Variants in EEIG2 observed in about 807,000 individuals in gnomAD.
The protein encoded by EEIG2 is EEIG family member 2, also known as family with sequence similarity 102 member B.
the EEIG2 span, among the ~76,000 whole-genome samples, chr1:108,582,542 AT>A: frequency 2.6e-5 from 4 of 152,100 alleles, no homozygotes; most frequent in Admixed American, 2.0e-4. Context: ...CGAATTCTTA[AT>A]TTTTTTGTGG....
the EEIG2 span, among the ~76,000 whole-genome samples, chr1:108,589,783 CTTTTTTTTTTTTTT>C: frequency 5.9e-5 from 5 of 85,160 alleles, no homozygotes; most frequent in Non-Finnish European, 1.1e-4. Context: ...GTCTTTTGTC[CTTTTTTTTTTTTTT>C]TTTTTTTTTT....
chr1:108,632,913 C>T, the EEIG2 span, among the ~76,000 whole-genome samples: 17 of 149,776 alleles, frequency 1.1e-4, no homozygotes, highest in Non-Finnish European at 4.4e-5. Context: ...TGCTGAGTAA[C>T]TAGGACTACA....
chr1:108,561,550 G>T, the EEIG2 span, among the ~76,000 whole-genome samples: 2 of 152,066 alleles, frequency 1.3e-5, no homozygotes, highest in Admixed American at 6.5e-5. Flanking sequence ...AGGAAATAAT[G>T]TCACTGGATT....
the EEIG2 span, among the ~76,000 whole-genome samples, chr1:108,576,711 G>A: frequency 9.5e-4 from 142 of 148,946 alleles, no homozygotes; most frequent in African/African-American, 2.7e-3. Flanking sequence ...GGACATTTGC[G>A]TTGGTTCCAA....
the EEIG2 span, among the ~76,000 whole-genome samples, chr1:108,563,613 G>GAT: frequency 4.6e-5 from 7 of 152,024 alleles, no homozygotes; most frequent in Middle Eastern, 6.3e-3. Context: ...ATATGTATTT[G>GAT]ATATATATAT....
chr1:108,600,546 T>C, the EEIG2 span: 2 of 1,608,260 alleles, frequency 1.2e-6, no homozygotes, highest in South Asian at 2.2e-5. Context: ...ATTAATTGGC[T>C]CTTTTTTTCT....
chr1:108,609,311 T>G, the EEIG2 span, among the ~76,000 whole-genome samples: 2 of 152,204 alleles, frequency 1.3e-5, no homozygotes, highest in African/African-American at 4.8e-5. Context: ...GGAGCTTACA[T>G]GCTAATGGAA....
the EEIG2 span, chr1:108,635,461 A>C: frequency 4.1e-6 from 1 of 245,146 alleles, no homozygotes; most frequent in Non-Finnish European, 7.8e-6. Flanking sequence ...AGCATTATAT[A>C]CATCGGAGTA....
chr1:108,599,652 A>T, the EEIG2 span, among the ~76,000 whole-genome samples: 1 of 152,138 alleles, frequency 6.6e-6, no homozygotes, highest in East Asian at 1.9e-4. Context: ...CTTCTCTACC[A>T]CCTCCTACTT....
chr1:108,563,887 A>G, the EEIG2 span, among the ~76,000 whole-genome samples: 2 of 152,230 alleles, frequency 1.3e-5, no homozygotes, highest in Non-Finnish European at 2.9e-5. Context: ...TTCTAAAGCA[A>G]AAGAGTTAAT....
chr1:108,599,562 C>A, the EEIG2 span, among the ~76,000 whole-genome samples: 1 of 152,134 alleles, frequency 6.6e-6, no homozygotes, highest in Admixed American at 6.6e-5. Context: ...CTTGAAAGAG[C>A]AAAGTTGTGG....
At chr1:108,573,136 A>G in the EEIG2 span, among the ~76,000 whole-genome samples, 1 of 152,248 alleles carries the variant, frequency 6.6e-6, no homozygotes, top group East Asian at 1.9e-4. Flanking sequence ...CTGCTGGATC[A>G]TATCAGAAGA....
chr1:108,587,848 T>C, the EEIG2 span, among the ~76,000 whole-genome samples: 3 of 152,176 alleles, frequency 2.0e-5, no homozygotes, highest in African/African-American at 7.2e-5. Flanking sequence ...GCATCTATAT[T>C]GTTCTAGAAA....
the EEIG2 span, among the ~76,000 whole-genome samples, chr1:108,576,313 T>A: frequency 6.6e-6 from 1 of 152,174 alleles, no homozygotes; most frequent in Non-Finnish European, 1.5e-5. Context: ...TTTTTTATTA[T>A]ACTTTAAGTT....
chr1:108,635,054 A>G, the EEIG2 span: 1 of 1,594,498 alleles, frequency 6.3e-7, no homozygotes, highest in Non-Finnish European at 8.6e-7. Context: ...TACTTGGAAC[A>G]GTTTCAAACA....
At chr1:108,582,204 A>G in the EEIG2 span, among the ~76,000 whole-genome samples, 21 of 152,318 alleles carry the variant, frequency 1.4e-4, 1 homozygote, top group East Asian at 5.8e-4. Flanking sequence ...TAGTGTAGAC[A>G]TAGCTTCTTT....
At chr1:108,606,391 G>A in the EEIG2 span, 8 of 469,096 alleles carry the variant, frequency 1.7e-5, no homozygotes, top group East Asian at 2.7e-4. Context: ...AGATTGAACA[G>A]TTGGATCTAA....
the EEIG2 span, among the ~76,000 whole-genome samples, chr1:108,582,169 G>T: frequency 8.4e-3 from 1,280 of 152,206 alleles, 18 homozygotes; most frequent in African/African-American, 0.029. Flanking sequence ...ACATAATGCT[G>T]TTATACACTT....
At chr1:108,614,511 ATCCTATTGAG>A in the EEIG2 span, among the ~76,000 whole-genome samples, 55 of 152,002 alleles carry the variant, frequency 3.6e-4, no homozygotes, top group Admixed American at 8.5e-4. Context: ...ACCTTGCCTT[ATCCTATTGAG>A]AAAACAGAAG....
Sources: gnomAD v4.1 joint callset for allele counts (sites outside exome capture counted in the v4.1 genomes callset) on GRCh38, gnomAD v4.1.1 for gene constraint, MANE v1.5 for transcripts, NCBI Gene and HGNC (gene_info 2026-07-23, HGNC 2026-07-21) for gene names.